GRID2IP: variants seen among roughly 807,000 people sequenced by gnomAD.
GRID2IP encodes the protein Grid2 interacting protein.
In GRID2IP, 78 loss-of-function variants were observed where a neutral mutation model predicts 114.3. The observed-to-expected ratio is 0.68, with a 90% confidence interval of 0.57 to 0.82. GRID2IP has a LOEUF of 0.82. GRID2IP is among the 40% of genes least tolerant of loss of function. GRID2IP has a pLI of 0.00. For missense variants in GRID2IP, 1,727 were observed against 1,678.5 expected, an observed-to-expected ratio of 1.03 and a Z score of -0.51; for synonymous variants, 809 against 724.0, an observed-to-expected ratio of 1.12 and a Z score of -1.89.
At position 6,506,639 on chromosome 7, in the gene GRID2IP, G is replaced by A. The variant is rs1224792449; in HGVS notation, c.2545-732C>T. Among the ~76,000 whole-genome samples the A allele has an allele frequency of 6.6e-6, 1 of 151,970 alleles. No homozygotes were observed. The highest frequency in any genetic ancestry group is 1.5e-5 in the Non-Finnish European group (1 of 67,994). Reference sequence around the variant, plus strand: ...GGCTGGCAGGAGTGAGGTCTCCAGGGGACCCAGGAGGTCCTTATTTGTGCC... The same window carrying A: ...GGCTGGCAGGAGTGAGGTCTCCAGGAGACCCAGGAGGTCCTTATTTGTGCC... On this transcript the variant is annotated intron_variant, in intron 13 of 21. Coordinates refer to ENST00000457091, the MANE Select transcript of GRID2IP (RefSeq NM_001145118.2). The surrounding 1 kb of genome is among the most constrained non-coding windows in gnomAD (Gnocchi z 5.2).
intron 7 of GRID2IP, among the ~76,000 whole-genome samples, chr7:6,518,963 G>C (rs1779363621): frequency 6.6e-6 from 1 of 151,866 alleles, no homozygotes. Context: ...TTGTCACCCA[G>C]GCTGGAGAGC....
At chr7:6,538,364 T>TCAAAACAAAACAAAA (rs57880924) in intron 2 of GRID2IP, among the ~76,000 whole-genome samples, 74 of 144,024 alleles carry the variant, frequency 5.1e-4, no homozygotes, top group African/African-American at 1.8e-3. Context: ...AGACCCTGTC[T>TCAAAACAAAACAAAA]CAAAACAAAA....
intron 8 of GRID2IP, among the ~76,000 whole-genome samples, chr7:6,513,200 G>C (rs1779213606): frequency 6.6e-6 from 1 of 151,916 alleles, no homozygotes; most frequent in South Asian, 2.1e-4. Context: ...TGGTGGTGTT[G>C]GCATGTCTGG....
intron 8 of GRID2IP, among the ~76,000 whole-genome samples, chr7:6,513,865 T>C (rs1779234418): frequency 6.8e-6 from 1 of 146,724 alleles, no homozygotes; most frequent in Admixed American, 6.9e-5. Context: ...GGAGGATCAC[T>C]TGAGCCCAGG....
At position 6,510,306 on chromosome 7, in the gene GRID2IP, C is replaced by T; in HGVS notation, c.1748G>A (p.Gly583Asp). ...ACCTGTGGTGACTGCTGGGCTGGGG[C>T]CTGGAGGGGAAGCCCGGGATTTGGA... is the stretch of plus-strand genomic sequence containing the variant. ...TVSKSRASPP[G>D]PSPAVTTGPR... The change falls in exon 11 of 22, where the codon GGC becomes GAC. Residue 583 changes from glycine to aspartate, a missense_variant. Physicochemically the swap from Gly to Asp is moderately conservative, Grantham distance 94. Coordinates refer to ENST00000457091, the MANE Select transcript of GRID2IP (RefSeq NM_001145118.2). 1 of 1,546,586 alleles carries T rather than the reference C, an allele frequency of 6.5e-7. No individual in the cohort carries two copies. The highest frequency in any genetic ancestry group is 8.7e-7 in the Non-Finnish European group (1 of 1,145,064).
At chr7:6,533,851 A>C (rs544481094) in intron 2 of GRID2IP, among the ~76,000 whole-genome samples, 2 of 150,212 alleles carry the variant, frequency 1.3e-5, no homozygotes, top group South Asian at 4.2e-4. Context: ...GGGTTTCACT[A>C]TGCTGCCCGG....
chr7:6,513,947 CAA>C (rs35124535), intron 8 of GRID2IP, among the ~76,000 whole-genome samples: 81 of 47,518 alleles, frequency 1.7e-3, no homozygotes, highest in African/African-American at 3.9e-3. Context: ...GACTCCGTCT[CAA>C]AAAAAAAAAA....
At chr7:6,513,309 C>G (rs7785258) in intron 8 of GRID2IP, among the ~76,000 whole-genome samples, 81,212 of 149,484 alleles carry the variant, frequency 0.54, 22,947 homozygotes, top group African/African-American at 0.65. Context: ...TGATCTCCTG[C>G]ACTCAAGCCA....
intron 2 of GRID2IP, among the ~76,000 whole-genome samples, chr7:6,529,890 C>T (rs971706954): frequency 1.3e-5 from 2 of 152,048 alleles, no homozygotes; most frequent in South Asian, 4.1e-4. Flanking sequence ...CTAAATCCAA[C>T]CCCAAGTTCC....
chr7:6,510,498 A>G (rs954775593), intron 10 of GRID2IP, 98 bp from the exon 11 acceptor site: 1 of 1,283,560 alleles, frequency 7.8e-7, no homozygotes, highest in Admixed American at 2.9e-5. Flanking sequence ...GATATGCCCC[A>G]GCCTGAAGCA....
rs955445958 is a variant in GRID2IP at position 6,532,638 on chromosome 7, G to A, written c.585-5869C>T. ...CTCAGCCCTGCAAGGGAGAGAAGCA[G>A]CTGACAAGCCTCCCAGCCAGCACAG... On this transcript the variant is annotated intron_variant, in intron 2 of 21. Coordinates refer to ENST00000457091, the MANE Select transcript of GRID2IP (RefSeq NM_001145118.2). The surrounding 1 kb of genome is among the most constrained non-coding windows in gnomAD (Gnocchi z 4.4). Among the ~76,000 whole-genome samples the A allele has an allele frequency of 2.0e-5, 3 of 152,318 alleles. No homozygotes were observed. Among genetic ancestry groups the A allele is most frequent in the East Asian group, 3.9e-4 (2 of 5,180 alleles).
chr7:6,503,700 C>A lies in GRID2IP; in HGVS notation c.2711-13G>T. The A allele has an allele frequency of 2.1e-6, 2 of 951,864 alleles. No individual in the cohort carries two copies. The highest frequency in any genetic ancestry group is 1.6e-5 in the South Asian group (1 of 60,798). 59.0% of individuals were successfully genotyped at this position (951,864 alleles called of 1,614,324 possible). On this transcript the variant is annotated splice_polypyrimidine_tract_variant and intron_variant, in intron 15 of 21. Transcript: ENST00000457091. Reference sequence around the variant, plus strand: ...GCCAAGAGGATGGCTGCGGGCGGGGCGGGGCGGTGAGCTGGGCGGGGCCGG... The same window carrying A: ...GCCAAGAGGATGGCTGCGGGCGGGGAGGGGCGGTGAGCTGGGCGGGGCCGG...
intron 20 of GRID2IP, among the ~76,000 whole-genome samples, chr7:6,498,451 C>T (rs57527658): frequency 5.9e-5 from 9 of 152,134 alleles, no homozygotes; most frequent in African/African-American, 2.2e-4. Context: ...CAGCCTCAGG[C>T]CATTCACCCC....
In GRID2IP at chr7:6,521,279, G is replaced by T. The variant is rs927771773; in HGVS notation, c.1084+150C>A. The T allele has an allele frequency of 1.3e-4, 72 of 575,786 alleles. No homozygotes were observed. The African/African-American group carries it at 1.4e-3, about 11-fold the overall frequency. 35.7% of individuals were successfully genotyped at this position (575,786 alleles called of 1,614,324 possible). A position where few individuals can be genotyped will look rare whatever the true frequency, so the allele number is the denominator to read the frequency against. On this transcript the variant is annotated intron_variant, in intron 6 of 21. Transcript: ENST00000457091. This position sits in a 1 kb window ranked among gnomAD's most constrained non-coding sequence, Gnocchi z 4.1. ...AGCCACCATGCCCAGCCTCACTGGGGTTCTATAGCACCACTTAGGAGGCAG... is the reference window on the plus strand; with the variant it reads ...AGCCACCATGCCCAGCCTCACTGGGTTTCTATAGCACCACTTAGGAGGCAG...
In GRID2IP at chr7:6,497,952, A is replaced by G. The variant is rs146192754; in HGVS notation, c.3565-107T>C. Reference sequence around the variant, plus strand: ...CAGCCCATCAGGGGGTTAGGGGGACATGTCGCTCACTGGAGCCCCTTTCCC... The same window carrying G: ...CAGCCCATCAGGGGGTTAGGGGGACGTGTCGCTCACTGGAGCCCCTTTCCC... On this transcript the variant is annotated intron_variant, in intron 21 of 21. Coordinates refer to ENST00000457091, the MANE Select transcript of GRID2IP (RefSeq NM_001145118.2). The G allele has an allele frequency of 5.8e-4, 810 of 1,401,212 alleles. 4 individuals are homozygous for G. The African/African-American group carries it at 0.01, about 18-fold the overall frequency. 86.8% of individuals were successfully genotyped at this position (1,401,212 alleles called of 1,614,324 possible). A position where few individuals can be genotyped will look rare whatever the true frequency, so the allele number is the denominator to read the frequency against.
chr7:6,506,358 C>T lies in GRID2IP; in HGVS notation c.2545-451G>A, dbSNP rs929446366. Among the ~76,000 whole-genome samples the T allele has an allele frequency of 3.3e-5, 5 of 152,188 alleles. No homozygotes were observed. Among genetic ancestry groups the T allele is most frequent in the Middle Eastern group, 3.4e-3 (1 of 294 alleles). On this transcript the variant is annotated intron_variant, in intron 13 of 21. Coordinates refer to ENST00000457091, the MANE Select transcript of GRID2IP (RefSeq NM_001145118.2). The surrounding 1 kb of genome is among the most constrained non-coding windows in gnomAD (Gnocchi z 5.2). ...CAGCCTAGGGGCCAGACGCTGGACACGTGGCTGTGATGAATGGCATAGATG... is the reference window on the plus strand; with the variant it reads ...CAGCCTAGGGGCCAGACGCTGGACATGTGGCTGTGATGAATGGCATAGATG...
At position 6,501,789 on chromosome 7, in the gene GRID2IP, C is replaced by A; in HGVS notation, c.3391G>T (p.Val1131Phe). ...SPSSEDKFAM[V>F]MSSFLETAQP... The stretch of plus-strand genomic sequence containing the variant: ...GGCTGCTCAGAGGATGCCGACATGA[C>A]CATTGCAAACTTGTCCTCGCTAGAG... The change falls in exon 20 of 22, where the codon GTC (valine) becomes TTC (phenylalanine). Residue 1131 changes from valine to phenylalanine, a missense_variant. Coordinates refer to ENST00000457091, the MANE Select transcript of GRID2IP (RefSeq NM_001145118.2). The A allele has an allele frequency of 6.5e-7, 1 of 1,550,338 alleles. No individual in the cohort carries two copies. The highest frequency in any genetic ancestry group is 1.4e-5 in the African/African-American group (1 of 73,168).
rs760454460 is a variant in GRID2IP at position 6,509,467 on chromosome 7, C to T, written c.1772-154G>A. Among the ~76,000 whole-genome samples, 2 of 152,172 alleles carry T rather than the reference C, an allele frequency of 1.3e-5. No homozygotes were observed. Among genetic ancestry groups the T allele is most frequent in the Non-Finnish European group, 2.9e-5 (2 of 68,022 alleles). ...CAGTGCAGGAAGACCTTGAGCGGCC[C>T]TGCCTTCCAAGCATGACTAAAGGCC... On this transcript the variant is annotated intron_variant, in intron 11 of 21. Transcript: ENST00000457091. This position sits in a 1 kb window ranked among gnomAD's most constrained non-coding sequence, Gnocchi z 4.9.
At chr7:6,547,400 C>G (rs1430612639) in intron 1 of GRID2IP, among the ~76,000 whole-genome samples, 1 of 149,480 alleles carries the variant, frequency 6.7e-6, no homozygotes, top group Non-Finnish European at 1.5e-5. Context: ...TTTTCTTAAT[C>G]AGCCAGGTGT....
Sources: allele counts gnomAD v4.1 joint callset (sites outside exome capture counted in the v4.1 genomes callset), GRCh38; gene constraint gnomAD v4.1.1; non-coding constraint Gnocchi (gnomAD v3.1); transcripts MANE v1.5; gene names NCBI Gene and HGNC (gene_info 2026-07-23, HGNC 2026-07-21).